The following PPM1A variants were observed in gnomAD, a reference collection of about 807,000 sequenced individuals.
The protein encoded by PPM1A is protein phosphatase 1A.
Under a neutral mutation model 35.0 loss-of-function variants are expected in PPM1A, and 7 were observed. The observed-to-expected ratio is 0.20, with a 90% CI of 0.11 to 0.38. The LOEUF (loss-of-function observed/expected upper bound fraction) is 0.38. PPM1A is among the 10% of genes least tolerant of loss of function. The pLI, the probability that PPM1A is intolerant of heterozygous loss-of-function variation, is 1.00. For missense variants in PPM1A, 239 were observed against 467.8 expected (o/e 0.51, Z 4.51); for synonymous variants, 153 against 167.3 (o/e 0.91, Z 0.66).
rs1882127729 is a variant in PPM1A at position 60,249,837 on chromosome 14, C to G, written c.-21+160C>G. ...CCACCCCCTGGCCGGCCTCCTCCCC[C>G]GAGCCGGGCGGCGGACGGCGAGGGG... On this transcript the variant is annotated intron_variant, in intron 1 of 5. Transcript: ENST00000395076. The surrounding 1 kb of genome is among the most constrained non-coding windows in gnomAD (Gnocchi z 4.5). Among the ~76,000 whole-genome samples the G allele has an allele frequency of 6.6e-6, 1 of 151,140 alleles. No individual in the cohort carries two copies. The highest frequency in any genetic ancestry group is 1.5e-5 in the Non-Finnish European group (1 of 67,670).
At position 60,292,850 on chromosome 14, in the gene PPM1A, T is replaced by C. The variant is rs539455661; in HGVS notation, c.*368T>C. ...AAAGTTACAAGAAATGTTTGGCTTA[T>C]TGTGTGATGCAACAGATATATAGCC... On this transcript the variant is annotated 3_prime_UTR_variant, in exon 6 of 6. Transcript: ENST00000395076. This position sits in a 1 kb window ranked among gnomAD's most constrained non-coding sequence, Gnocchi z 4.2. The C allele has an allele frequency of 6.3e-5, 11 of 175,202 alleles. No homozygotes were observed. In the South Asian group the frequency reaches 1.5e-3, roughly 24 times the overall value. The allele number at this position is 175,202 out of a possible 1,614,324, so 10.9% of individuals were successfully genotyped here. A position where few individuals can be genotyped will look rare whatever the true frequency, so the allele number is the denominator to read the frequency against.
chr14:60,290,900 A>G (rs1050608057), intron 4 of PPM1A, among the ~76,000 whole-genome samples: 43 of 152,160 alleles, frequency 2.8e-4, no homozygotes, highest in Admixed American at 2.7e-3. Flanking sequence ...GTGTTACTCA[A>G]AACTAATTCC....
Position 60,264,232 on chromosome 14 carries a change from C to T in PPM1A, c.-21+14555C>T, listed in dbSNP as rs189129139. Among the ~76,000 whole-genome samples the T allele has an allele frequency of 1.6e-3, 247 of 152,210 alleles. 1 individual carries two copies. The highest frequency in any genetic ancestry group is 5.0e-3 in the African/African-American group (207 of 41,522). ...TTGATAGGTTTCCTCCCATCAGCAA[C>T]CTCAGTATATTATTTCATTGTCTTG... On this transcript the variant is annotated intron_variant, in intron 1 of 5. Transcript: ENST00000395076.
intron 1 of PPM1A, among the ~76,000 whole-genome samples, chr14:60,259,082 C>G (rs1004539820): frequency 2.0e-5 from 3 of 152,036 alleles, no homozygotes; most frequent in African/African-American, 7.2e-5. Flanking sequence ...TTAAATAGAA[C>G]TTTCACTTGA....
intron 1 of PPM1A, chr14:60,250,328 A>G: frequency 1.6e-6 from 1 of 643,166 alleles, no homozygotes; most frequent in Non-Finnish European, 1.9e-6. Flanking sequence ...AAATCGGGTA[A>G]AACTTCTTGA....
rs758662067 is a variant in PPM1A, at chr14:60,292,533, G to A, written c.*51G>A. ...ACCTTCACCTCCAAAGGAGAGTACA[G>A]CTCAACTTTGTTGAAACTTTTAACA... On this transcript the variant is annotated 3_prime_UTR_variant, in exon 6 of 6. Transcript: ENST00000395076. This position sits in a 1 kb window ranked among gnomAD's most constrained non-coding sequence, Gnocchi z 4.2. 6.7e-7 allele frequency: 1 copy of A among 1,493,036 alleles called. No homozygotes were observed. Among genetic ancestry groups the A allele is most frequent in the South Asian group, 1.2e-5 (1 of 85,512 alleles). The allele number at this position is 1,493,036 out of a possible 1,614,324, so 92.5% of individuals were successfully genotyped here. A position where few individuals can be genotyped will look rare whatever the true frequency, so the allele number is the denominator to read the frequency against.
At chr14:60,276,786 A>G (rs924334380) in intron 1 of PPM1A, among the ~76,000 whole-genome samples, 4 of 152,202 alleles carry the variant, frequency 2.6e-5, no homozygotes, top group Admixed American at 6.5e-5. Flanking sequence ...ATTATTCACT[A>G]TAATTCTGAG....
chr14:60,288,164 CTG>C (rs1595369977), intron 3 of PPM1A: 7 of 985,050 alleles, frequency 7.1e-6, no homozygotes, highest in Non-Finnish European at 8.4e-6. Flanking sequence ...GAGATATTAA[CTG>C]TTTTTAAAGC....
At chr14:60,288,607 C>CA in intron 3 of PPM1A, 1 of 896,472 alleles carries the variant, frequency 1.1e-6, no homozygotes, top group South Asian at 5.2e-5. Flanking sequence ...TTTTTTAAGG[C>CA]AAAAAATAAT....
At chr14:60,285,570 G>A (rs537500858) in intron 2 of PPM1A, 54 bp from the exon 3 acceptor site, 2 of 1,566,482 alleles carry the variant, frequency 1.3e-6, no homozygotes, top group South Asian at 2.3e-5. Flanking sequence ...AGGTTCTCAA[G>A]GCTTTGAAGA....
At chr14:60,246,168 G>C, upstream of PPM1A, 1 of 967,624 alleles carries the variant, frequency 1.0e-6, no homozygotes. Context: ...CCTCCTGAGG[G>C]GGTCATTTAC....
intron 5 of PPM1A, 96 bp downstream of exon 5, chr14:60,291,550 T>C: frequency 3.1e-6 from 3 of 965,150 alleles, no homozygotes; most frequent in East Asian, 2.6e-5. Flanking sequence ...ACTGTACCCA[T>C]TCTCTTACAC....
chr14:60,287,344 T>C, intron 3 of PPM1A: 1 of 984,034 alleles, frequency 1.0e-6, no homozygotes, highest in Non-Finnish European at 1.2e-6. Context: ...AAAGTGTTAT[T>C]ATACTTGTAC....
intron 2 of PPM1A, among the ~76,000 whole-genome samples, chr14:60,284,567 G>A (rs113765294): frequency 6.6e-6 from 1 of 151,058 alleles, no homozygotes; most frequent in African/African-American, 2.4e-5. Context: ...GCGTGAACCC[G>A]GGAGGCGGAG....
intron 1 of PPM1A, among the ~76,000 whole-genome samples, chr14:60,279,496 T>C (rs771730183): frequency 6.6e-6 from 1 of 152,212 alleles, no homozygotes; most frequent in African/African-American, 2.4e-5. Context: ...TAAACTGATT[T>C]ATCACCCGTG....
At chr14:60,274,022 CT>C (rs755193972) in intron 1 of PPM1A, among the ~76,000 whole-genome samples, 72 of 152,300 alleles carry the variant, frequency 4.7e-4, no homozygotes, top group Non-Finnish European at 9.1e-4. Flanking sequence ...CTGGTAAAAG[CT>C]GCAGATATGT....
intron 3 of PPM1A, chr14:60,287,226 T>C (rs1460085855): frequency 7.3e-6 from 7 of 955,004 alleles, no homozygotes; most frequent in Non-Finnish European, 8.7e-6. Flanking sequence ...TATGAAATAT[T>C]CACTTTACGT....
Position 60,294,012 on chromosome 14 carries a change from C to T in PPM1A, c.*1530C>T, listed in dbSNP as rs1459318126. On this transcript the variant is annotated 3_prime_UTR_variant, in exon 6 of 6. Transcript: ENST00000395076. ...TGTAATCATTCAGTAGGCAGATTCCCACTAGAAAACTGTTGAAATGTAAGA... is the reference window on the plus strand; with the variant it reads ...TGTAATCATTCAGTAGGCAGATTCCTACTAGAAAACTGTTGAAATGTAAGA... 1 of 151,868 alleles carries T rather than the reference C, an allele frequency of 6.6e-6. No homozygotes were observed. Among genetic ancestry groups the T allele is most frequent in the Middle Eastern group, 3.4e-3 (1 of 294 alleles). 9.4% of individuals were successfully genotyped at this position (151,868 alleles called of 1,614,324 possible).
chr14:60,272,618 G>GT (rs1378588874), intron 1 of PPM1A, among the ~76,000 whole-genome samples: 1 of 138,950 alleles, frequency 7.2e-6, no homozygotes, highest in Non-Finnish European at 1.5e-5. Flanking sequence ...CTGAGGCACA[G>GT]AATCACTTGA....
Sources: allele counts gnomAD v4.1 joint callset (sites outside exome capture counted in the v4.1 genomes callset), GRCh38; gene constraint gnomAD v4.1.1; non-coding constraint Gnocchi (gnomAD v3.1); transcripts MANE v1.5; gene names NCBI Gene and HGNC (gene_info 2026-07-23, HGNC 2026-07-21).